CYP19A1: variants seen among roughly 807,000 people sequenced by gnomAD.
The protein encoded by CYP19A1 is cytochrome P450 family 19 subfamily A member 1, also known as aromatase.
A neutral mutation model predicts 44.4 loss-of-function variants in CYP19A1; 32 were observed. The ratio of observed to expected loss-of-function variants is 0.72; its 90% CI spans 0.54 to 0.97. The LOEUF is 0.97. Among genes scored for constraint, CYP19A1 ranks in the 50% least tolerant of loss-of-function variants. The pLI is 0.00. For missense variants in CYP19A1, 598 were observed against 637.8 expected, an observed-to-expected ratio of 0.94 and a Z score of 0.67; for synonymous variants, 212 against 215.6, an observed-to-expected ratio of 0.98 and a Z score of 0.14.
At chr15:51,256,906 A>C (rs1486297858) in intron 1 of CYP19A1, among the ~76,000 whole-genome samples, 1 of 152,244 alleles carries the variant, frequency 6.6e-6, no homozygotes, top group Non-Finnish European at 1.5e-5. Flanking sequence ...AGGTGTAGTC[A>C]GATGATGGGT....
At chr15:51,334,135 G>A (rs1366255162) in intron 1 of CYP19A1, among the ~76,000 whole-genome samples, 1 of 152,192 alleles carries the variant, frequency 6.6e-6, no homozygotes, top group Non-Finnish European at 1.5e-5. Flanking sequence ...GCCAGTCTGA[G>A]CTGTTTTCCA....
At chr15:51,244,628 A>G (rs1300572544) in intron 1 of CYP19A1, among the ~76,000 whole-genome samples, 1 of 152,234 alleles carries the variant, frequency 6.6e-6, no homozygotes, top group Non-Finnish European at 1.5e-5. Context: ...ACTTTCTGAC[A>G]GTTGGGACCC....
rs1430563857 is a variant in CYP19A1, at chr15:51,257,352, G to A, written c.-38-14402C>T. On this transcript the variant is annotated intron_variant, in intron 1 of 9. Transcript: ENST00000396402. ...ATGGCCCCAATTCGCTACACTTCTG[G>A]GTTGGAAGTAATAGCAGGCCTAGGT... Among the ~76,000 whole-genome samples the A allele has an allele frequency of 2.0e-5, 3 of 152,226 alleles. No homozygotes were observed. In the East Asian group the frequency reaches 5.8e-4, roughly 29 times the overall value.
At chr15:51,280,762 AGCTG>A (rs1385942501) in intron 1 of CYP19A1, among the ~76,000 whole-genome samples, 1 of 152,210 alleles carries the variant, frequency 6.6e-6, no homozygotes, top group Non-Finnish European at 1.5e-5. Flanking sequence ...ATTTTGGTAC[AGCTG>A]TAACTGTGTC....
chr15:51,294,771 C>A (rs2035952862), intron 1 of CYP19A1, among the ~76,000 whole-genome samples: 1 of 151,912 alleles, frequency 6.6e-6, no homozygotes, highest in Admixed American at 6.5e-5. Context: ...GCTGCCCCTA[C>A]TGGGAAGTGA....
chr15:51,256,898 G>A (rs1421864575), intron 1 of CYP19A1, among the ~76,000 whole-genome samples: 1 of 152,234 alleles, frequency 6.6e-6, no homozygotes, highest in Non-Finnish European at 1.5e-5. Flanking sequence ...GAAGAAAGAG[G>A]TGTAGTCAGA....
At chr15:51,311,315 A>T (rs2141012261) in intron 1 of CYP19A1, among the ~76,000 whole-genome samples, 1 of 152,392 alleles carries the variant, frequency 6.6e-6, no homozygotes, top group East Asian at 1.9e-4. Context: ...ATTAGAACTG[A>T]GAAACACAAT....
At chr15:51,244,021 A>T (rs61296740) in intron 1 of CYP19A1, among the ~76,000 whole-genome samples, 109 of 152,196 alleles carry the variant, frequency 7.2e-4, no homozygotes, top group Admixed American at 1.1e-3. Flanking sequence ...CTTTACTTAG[A>T]CAGGGCCTAG....
At chr15:51,326,137 T>G (rs1162252648) in intron 1 of CYP19A1, among the ~76,000 whole-genome samples, 1 of 152,124 alleles carries the variant, frequency 6.6e-6, no homozygotes. Flanking sequence ...AAGTCAGAGG[T>G]GTCTATAATT....
intron 1 of CYP19A1, chr15:51,277,074 G>C (rs190899210): frequency 3.9e-5 from 6 of 152,130 alleles, no homozygotes; most frequent in Non-Finnish European, 7.4e-5. Context: ...GAAAGAAAAA[G>C]AGAGAAAGTG....
At chr15:51,261,806 G>A (rs1266308722) in intron 1 of CYP19A1, among the ~76,000 whole-genome samples, 1 of 152,132 alleles carries the variant, frequency 6.6e-6, no homozygotes, top group Non-Finnish European at 1.5e-5. Context: ...AGTAAGAATA[G>A]CATGCAAGTG....
chr15:51,312,687 T>A (rs976682525), intron 1 of CYP19A1: 2 of 152,254 alleles, frequency 1.3e-5, no homozygotes, highest in Admixed American at 1.3e-4. Flanking sequence ...GATAGAAACA[T>A]GTTGCTGAGA....
chr15:51,320,645 C>T (rs1272511845), intron 1 of CYP19A1, among the ~76,000 whole-genome samples: 1 of 152,128 alleles, frequency 6.6e-6, no homozygotes, highest in Non-Finnish European at 1.5e-5. Context: ...TTCCTTAACC[C>T]CACTTCTCAG....
In CYP19A1 at chr15:51,313,140, C is replaced by T. The variant is rs74987962; in HGVS notation, c.-39+25355G>A. On this transcript the variant is annotated intron_variant, in intron 1 of 9. Transcript: ENST00000396402. ...TTTGCAAGAAAAAATACAAAGTAGT[C>T]TCTGTGAGTGTGATGATTCTGAGTC... 2.0e-5 allele frequency: 3 copies of T among 152,356 alleles called. No homozygotes were observed. In the East Asian group the frequency reaches 5.8e-4, roughly 29 times the overall value. 9.4% of individuals were successfully genotyped at this position (152,356 alleles called of 1,614,324 possible).
intron 1 of CYP19A1, among the ~76,000 whole-genome samples, chr15:51,333,644 A>T (rs776147985): frequency 4.6e-5 from 7 of 152,208 alleles, no homozygotes; most frequent in Non-Finnish European, 8.8e-5. Context: ...GAGGTCAGAG[A>T]TCATACGTGG....
At chr15:51,226,612 G>A (rs1284348526) in intron 4 of CYP19A1, among the ~76,000 whole-genome samples, 1 of 152,152 alleles carries the variant, frequency 6.6e-6, no homozygotes, top group East Asian at 1.9e-4. Context: ...TTCACAGCAC[G>A]GGCTGCTGGA....
At chr15:51,274,590 CCA>C (rs1343383638) in intron 1 of CYP19A1, among the ~76,000 whole-genome samples, 1 of 152,148 alleles carries the variant, frequency 6.6e-6, no homozygotes, top group Non-Finnish European at 1.5e-5. Context: ...TATGAAAGAG[CCA>C]CAGTGTTTCT....
At chr15:51,268,978 T>G (rs551113053) in intron 1 of CYP19A1, among the ~76,000 whole-genome samples, 7 of 152,168 alleles carry the variant, frequency 4.6e-5, no homozygotes, top group Non-Finnish European at 7.4e-5. Context: ...TTGAATACTT[T>G]ATCTTAGTCT....
At chr15:51,265,783 GC>G (rs1195938065) in intron 1 of CYP19A1, among the ~76,000 whole-genome samples, 2 of 152,178 alleles carry the variant, frequency 1.3e-5, no homozygotes, top group East Asian at 3.8e-4. Context: ...AGCAAGGACT[GC>G]CCTCTTTCCA....
Sources: allele counts gnomAD v4.1 joint callset (sites outside exome capture counted in the v4.1 genomes callset), GRCh38; gene constraint gnomAD v4.1.1; transcripts MANE v1.5; gene names NCBI Gene and HGNC (gene_info 2026-07-23, HGNC 2026-07-21).